LMTK3: variants seen among roughly 807,000 people sequenced by gnomAD.
The protein encoded by LMTK3 is serine/threonine-protein kinase LMTK3.
LMTK3 carries 27 observed loss-of-function variants against 116.7 expected under a neutral mutation model. That is an observed-to-expected ratio of 0.23 (90% confidence interval 0.17 to 0.32). LMTK3 has a LOEUF of 0.32. Ranked by LOEUF, LMTK3 falls within the 10% of genes least tolerant of loss-of-function variation. LMTK3 has a pLI of 1.00. For missense variants in LMTK3, 1,764 were observed against 2,068.5 expected, an observed-to-expected ratio of 0.85 and a Z score of 2.86; for synonymous variants, 965 against 971.0, an observed-to-expected ratio of 0.99 and a Z score of 0.11.
intron 12 of LMTK3, 95 bp downstream of exon 12, chr19:48,493,599 C>T: frequency 7.3e-7 from 1 of 1,374,920 alleles, no homozygotes; most frequent in Non-Finnish European, 9.5e-7. Flanking sequence ...CCCCGCCCAA[C>T]TCTAAGCTCG....
intron 3 of LMTK3, 89 bp from the exon 4 acceptor site, chr19:48,509,602 A>G: frequency 9.4e-7 from 1 of 1,064,748 alleles, no homozygotes; most frequent in East Asian, 2.6e-5. Flanking sequence ...ACTGAGACAG[A>G]GCAGACATCA....
chr19:48,499,221 GC>G lies in LMTK3; in HGVS notation c.1847del (p.Gly616AlafsTer74). On this transcript the variant is annotated frameshift_variant, in exon 11 of 15. Transcript: ENST00000600059. LOFTEE classifies it high-confidence loss of function. ...GGTCTCCCGCCAGGGTCTCCCCGGCGCCCCGGCCCTCGGGGTCCCAGCCGCT... is the reference window on the plus strand; with the variant it reads ...GGTCTCCCGCCAGGGTCTCCCCGGCGCCCGGCCCTCGGGGTCCCAGCCGCT... ...LLSGWDPEGRGAGETLAGDPA... is the reference protein window; with the variant it reads ...LLSGWDPEGRXAGETLAGDPA... 7.2e-7 allele frequency: 1 copy of G among 1,385,462 alleles called. No individual in the cohort carries two copies. The allele number at this position is 1,385,462 out of a possible 1,614,324, so 85.8% of individuals were successfully genotyped here. A position where few individuals can be genotyped will look rare whatever the true frequency, so the allele number is the denominator to read the frequency against.
At position 48,500,577 on chromosome 19, in the gene LMTK3, T is replaced by C. The variant is rs376733150; in HGVS notation, c.1151+419A>G. Among the ~76,000 whole-genome samples the C allele has an allele frequency of 1.4e-4, 21 of 151,852 alleles. No individual in the cohort carries two copies. The East Asian group carries it at 3.3e-3, about 24-fold the overall frequency. On this transcript the variant is annotated intron_variant, in intron 10 of 14. Coordinates refer to ENST00000600059, the MANE Select transcript of LMTK3 (RefSeq NM_001388485.1). This position sits in a 1 kb window ranked among gnomAD's most constrained non-coding sequence, Gnocchi z 4.0. ...AGAGGGGACAGCAGACGGTAGAGATTCAGAGGAGGTAACTGGGCTGGGGAG... is the reference window on the plus strand; with the variant it reads ...AGAGGGGACAGCAGACGGTAGAGATCCAGAGGAGGTAACTGGGCTGGGGAG...
intron 11 of LMTK3, among the ~76,000 whole-genome samples, chr19:48,496,630 G>C (rs1353726742): frequency 6.6e-6 from 1 of 151,238 alleles, no homozygotes; most frequent in Non-Finnish European, 1.5e-5. Context: ...TGTATTTTTA[G>C]TAGAGATGGG....
At chr19:48,502,850 T>G in intron 6 of LMTK3, 59 bp downstream of exon 6, 1 of 1,284,046 alleles carries the variant, frequency 7.8e-7, no homozygotes, top group Non-Finnish European at 1.1e-6. Context: ...GCACCAGGCT[T>G]GGCCCCGGCC....
chr19:48,495,168 C>T (rs1972304184), intron 11 of LMTK3, among the ~76,000 whole-genome samples: 1 of 152,084 alleles, frequency 6.6e-6, no homozygotes, highest in Admixed American at 6.6e-5. Context: ...TGCCCCCACG[C>T]TCAGCTAATT....
rs372216032 is a variant in LMTK3 at position 48,499,881 on chromosome 19, G to A, written c.1188C>T (p.Ala396=). Residue 396 remains alanine (A), a synonymous_variant, in exon 11 of 15, where the codon GCC becomes GCT. Coordinates refer to ENST00000600059, the MANE Select transcript of LMTK3 (RefSeq NM_001388485.1). ...DILQSCWRPP[A]QRPSASDLQL... ...GGAGATCAGAGGCTGAAGGGCGCTGGGCAGGTGGCCGCCAGCAGGACTGAA... is the reference window on the plus strand; with the variant it reads ...GGAGATCAGAGGCTGAAGGGCGCTGAGCAGGTGGCCGCCAGCAGGACTGAA... 211 of 1,598,574 alleles carry A rather than the reference G, an allele frequency of 1.3e-4. 1 individual carries two copies. The highest frequency in any genetic ancestry group is 1.8e-4 in the Non-Finnish European group (206 of 1,174,278).
rs1226439431 is a variant in LMTK3, at chr19:48,491,478, G to A, written c.4154C>T (p.Thr1385Met). The A allele has an allele frequency of 7.0e-7, 1 of 1,420,452 alleles. No homozygotes were observed. Among genetic ancestry groups the A allele is most frequent in the South Asian group, 1.6e-5 (1 of 63,276 alleles). The allele number at this position is 1,420,452 out of a possible 1,614,324, so 88.0% of individuals were successfully genotyped here. The change falls in exon 13 of 15, where the codon ACG becomes ATG. Residue 1385 changes from threonine (T) to methionine (M), a missense_variant. Physicochemically the swap from Thr to Met is moderately conservative, Grantham distance 81. Transcript: ENST00000600059. This position sits in a 1 kb window ranked among gnomAD's most constrained non-coding sequence, Gnocchi z 5.1. ...APPEGDTDPS[T>M]PPAPPTPPHP... ...GGGAGGTGTCGGGGGCGCTGGAGGC[G>A]TTGACGGGTCCGTGTCCCCCTCGGG...
At position 48,510,551 on chromosome 19, in the gene LMTK3, C is replaced by T; in HGVS notation, c.118G>A (p.Ala40Thr). ...LGRAPLAPPY[A>T]VVLISCSGLL... is the part of the protein sequence containing the mutation. ...CCGGAGCAGGAAATGAGGACCACAGCGTAGGGAGGAGCCAGAGGAGCCCGG... is the reference window on the plus strand; with the variant it reads ...CCGGAGCAGGAAATGAGGACCACAGTGTAGGGAGGAGCCAGAGGAGCCCGG... The change falls in exon 2 of 15, where the codon GCT becomes ACT. Residue 40 changes from alanine (A) to threonine (T), a missense_variant. Coordinates refer to ENST00000600059, the MANE Select transcript of LMTK3 (RefSeq NM_001388485.1). The T allele has an allele frequency of 6.3e-7, 1 of 1,599,316 alleles. No homozygotes were observed. The highest frequency in any genetic ancestry group is 2.3e-5 in the East Asian group (1 of 44,320).
chr19:48,495,548 C>G (rs1972309252), intron 11 of LMTK3, among the ~76,000 whole-genome samples: 1 of 152,210 alleles, frequency 6.6e-6, no homozygotes, highest in Admixed American at 6.5e-5. Context: ...TGGGCTGTTT[C>G]CTGATACAGC....
At position 48,498,469 on chromosome 19, in the gene LMTK3, C is replaced by T. The variant is rs760405879; in HGVS notation, c.2600G>A (p.Arg867Gln). 3.1e-6 allele frequency: 5 copies of T among 1,601,874 alleles called. No homozygotes were observed. The East Asian group carries it at 1.1e-4, about 36-fold the overall frequency. The part of the protein sequence containing the change: ...VSTEQLLMSL[R>Q]EDVTRNLLGE... ...CAGGAGGTTCCTTGTCACATCCTCCCGCAGGGACATCAGCAGCTGTTCCGT... is the reference window on the plus strand; with the variant it reads ...CAGGAGGTTCCTTGTCACATCCTCCTGCAGGGACATCAGCAGCTGTTCCGT... Residue 867 changes from arginine (R) to glutamine (Q), a missense_variant, in exon 11 of 15, where the codon CGG (arginine) becomes CAG (glutamine). Physicochemically the swap from Arg to Gln is conservative, Grantham distance 43. Coordinates refer to ENST00000600059, the MANE Select transcript of LMTK3 (RefSeq NM_001388485.1).
intron 3 of LMTK3, 115 bp from the exon 4 acceptor site, chr19:48,509,628 C>A: frequency 1.2e-6 from 1 of 847,164 alleles, no homozygotes; most frequent in South Asian, 1.8e-5. Context: ...TTTTCATTGG[C>A]TGCCACCCAC....
chr19:48,497,613 C>T lies in LMTK3; in HGVS notation c.3456G>A (p.Pro1152=). Residue 1152 remains proline (P), a synonymous_variant, in exon 11 of 15, where the codon CCG becomes CCA. Coordinates refer to ENST00000600059, the MANE Select transcript of LMTK3 (RefSeq NM_001388485.1). This position sits in a 1 kb window ranked among gnomAD's most constrained non-coding sequence, Gnocchi z 5.7. Reference sequence around the variant, plus strand: ...GCCTCCTCGGCTGTGCCTCCGGTGGCGGTGGCAGCGGTGGCGGCGGTGGCT... The same window carrying T: ...GCCTCCTCGGCTGTGCCTCCGGTGGTGGTGGCAGCGGTGGCGGCGGTGGCT... ...RPQPPPPPLP[P]PPEAQPRRLE... 1 of 1,297,276 alleles carries T rather than the reference C, an allele frequency of 7.7e-7. No individual in the cohort carries two copies. Among genetic ancestry groups the T allele is most frequent in the Non-Finnish European group, 9.8e-7 (1 of 1,023,278 alleles). 80.4% of individuals were successfully genotyped at this position (1,297,276 alleles called of 1,614,324 possible). A position where few individuals can be genotyped will look rare whatever the true frequency, so the allele number is the denominator to read the frequency against.
intron 7 of LMTK3, 84 bp from the exon 8 acceptor site, chr19:48,501,646 CT>C (rs1173324652): frequency 7.5e-7 from 1 of 1,328,592 alleles, no homozygotes; most frequent in Non-Finnish European, 1.0e-6. Flanking sequence ...GACTCCACCC[CT>C]CCCATGACCC....
chr19:48,498,165 C>T lies in LMTK3; in HGVS notation c.2904G>A (p.Arg968=), dbSNP rs1972371708. 1 of 1,613,660 alleles carries T rather than the reference C, an allele frequency of 6.2e-7. No homozygotes were observed. Among genetic ancestry groups the T allele is most frequent in the Non-Finnish European group, 8.5e-7 (1 of 1,179,792 alleles). ...VLENGELTPP[R]REEKALENGE... Reference sequence around the variant, plus strand: ...CATTCTCCAGCGCTTTCTCCTCCCTCCTTGGGGGTGTCAGCTCCCCATTCT... The same window carrying T: ...CATTCTCCAGCGCTTTCTCCTCCCTTCTTGGGGGTGTCAGCTCCCCATTCT... Residue 968 remains arginine, a synonymous_variant, in exon 11 of 15, where the codon AGG becomes AGA. Transcript: ENST00000600059.
chr19:48,493,343 G>A (rs1439081920), intron 12 of LMTK3, among the ~76,000 whole-genome samples: 2 of 11,004 alleles, frequency 1.8e-4, no homozygotes. Context: ...CCCCCAGCCC[G>A]CCCTCTCCCT....
In LMTK3 at chr19:48,491,217, G is replaced by A. The variant is rs754520398; in HGVS notation, c.4257C>T (p.Phe1419=). ...GGGGGCCTGGAGGGGGGAGGAGGGG[G>A]AAATCCTCCGCCCACTCGAAACTGC... The part of the protein sequence containing the change: ...FGGSFEWAED[F]PLLPPPGPPL... The change falls in exon 14 of 15, where the codon TTC becomes TTT. Residue 1419 remains phenylalanine (F), a synonymous_variant. Coordinates refer to ENST00000600059, the MANE Select transcript of LMTK3 (RefSeq NM_001388485.1). This position sits in a 1 kb window ranked among gnomAD's most constrained non-coding sequence, Gnocchi z 5.1. The A allele has an allele frequency of 2.9e-6, 4 of 1,397,348 alleles. No individual in the cohort carries two copies. Among genetic ancestry groups the A allele is most frequent in the African/African-American group, 3.0e-5 (2 of 66,266 alleles). 86.6% of individuals were successfully genotyped at this position (1,397,348 alleles called of 1,614,324 possible).
In LMTK3 at chr19:48,493,860, G is replaced by T. The variant is rs760458447; in HGVS notation, c.3926C>A (p.Ala1309Asp). ...GCTGCTCACCACGACGGGCACCGGG[G>T]CTGCTCGCGCCCTCCCGGGGCCCCG... ...GPRGPGRARAAPVPVVVSSAD... is the reference protein window; with the variant it reads ...GPRGPGRARADPVPVVVSSAD... The change falls in exon 12 of 15, where the codon GCC becomes GAC. Residue 1309 changes from alanine to aspartate, a missense_variant. Coordinates refer to ENST00000600059, the MANE Select transcript of LMTK3 (RefSeq NM_001388485.1). The T allele has an allele frequency of 4.0e-6, 5 of 1,236,780 alleles. No homozygotes were observed. Among genetic ancestry groups the T allele is most frequent in the Non-Finnish European group, 5.1e-6 (5 of 989,638 alleles). The allele number at this position is 1,236,780 out of a possible 1,614,324, so 76.6% of individuals were successfully genotyped here. A position where few individuals can be genotyped will look rare whatever the true frequency, so the allele number is the denominator to read the frequency against.
intron 3 of LMTK3, 84 bp from the exon 4 acceptor site, chr19:48,509,597 G>A (rs943850941): frequency 3.7e-6 from 4 of 1,077,568 alleles, no homozygotes; most frequent in Middle Eastern, 4.2e-4. Context: ...TGGGGACTGA[G>A]ACAGAGCAGA....
Sources: allele counts gnomAD v4.1 joint callset (sites outside exome capture counted in the v4.1 genomes callset), GRCh38; gene constraint gnomAD v4.1.1; non-coding constraint Gnocchi (gnomAD v3.1); transcripts MANE v1.5; gene names NCBI Gene and HGNC (gene_info 2026-07-23, HGNC 2026-07-21).